Variants in RIF1 observed in about 807,000 individuals in gnomAD.
RIF1 encodes the protein replication timing regulatory factor 1, also known as telomere-associated protein RIF1.
In RIF1, 45 loss-of-function variants were observed where a neutral mutation model predicts 247.1. The observed-to-expected ratio is 0.18, with a 90% CI of 0.14 to 0.23. The LOEUF (loss-of-function observed/expected upper bound fraction) is 0.23, where lower values mean the gene tolerates loss of function less well. Ranked by LOEUF, RIF1 falls within the 10% of genes least tolerant of loss-of-function variation. The pLI is 1.00. For missense variants in RIF1, 2,967 were observed against 2,862.5 expected, an observed-to-expected ratio of 1.04 and a Z score of -0.83; for synonymous variants, 1,087 against 978.8, an observed-to-expected ratio of 1.11 and a Z score of -2.06.
chr2:151,445,863 T>C (rs1460315305), intron 19 of RIF1, among the ~76,000 whole-genome samples: 2 of 144,320 alleles, frequency 1.4e-5, no homozygotes, highest in African/African-American at 2.6e-5. Context: ...AAATAAGACT[T>C]CTTTATGACT....
chr2:151,472,438 T>C (rs1191860896), intron 34 of RIF1, among the ~76,000 whole-genome samples: 1 of 152,248 alleles, frequency 6.6e-6, no homozygotes, highest in Non-Finnish European at 1.5e-5. Flanking sequence ...AGGGCATCCC[T>C]GTCTTGTGCC....
intron 3 of RIF1, 44 bp downstream of exon 3, chr2:151,411,382 G>C (rs1558921821): frequency 7.9e-7 from 1 of 1,266,378 alleles, no homozygotes; most frequent in South Asian, 1.3e-5. Flanking sequence ...TTGGTAGTTT[G>C]GTTTTTTTTT....
intron 13 of RIF1, 43 bp from the exon 14 acceptor site, chr2:151,438,639 CAT>C (rs751609158): frequency 6.6e-6 from 8 of 1,211,018 alleles, no homozygotes; most frequent in Non-Finnish European, 9.8e-6. Context: ...AGTACGTAGT[CAT>C]ATGTACTTCA....
chr2:151,532,980 A>G, the RIF1 span, among the ~76,000 whole-genome samples: 9 of 152,212 alleles, frequency 5.9e-5, no homozygotes, highest in African/African-American at 1.9e-4. Context: ...AAGAGGCGCC[A>G]TGAATATATA....
At chr2:151,423,387 G>T in intron 8 of RIF1, 1 of 187,004 alleles carries the variant, frequency 5.3e-6, no homozygotes, top group Non-Finnish European at 1.1e-5. Flanking sequence ...ACTTTTCTGT[G>T]CTTTTCCTGG....
intron 7 of RIF1, among the ~76,000 whole-genome samples, chr2:151,420,921 A>G (rs891850509): frequency 3.0e-4 from 46 of 152,188 alleles, no homozygotes; most frequent in African/African-American, 9.4e-4. Context: ...TTCATTCCCA[A>G]TAAATAGGAA....
chr2:151,506,918 AT>A, intron 13 of RIF1: 1 of 1,598,234 alleles, frequency 6.3e-7, no homozygotes, highest in Non-Finnish European at 8.6e-7. Flanking sequence ...CCGAGCTGAA[AT>A]TCTTCTGATT....
rs749444070 is a variant in RIF1, at chr2:151,492,523, G to A, written c.*416-2706G>A. ...ATGCAGGAGAGACCGTGAATGAGTG[G>A]TGCTGTCCTAAATCTGAAACCTCAA... On this transcript the variant is annotated intron_variant and NMD_transcript_variant, in intron 9 of 13. Transcript: ENST00000454583. 4.7e-6 allele frequency: 7 copies of A among 1,502,016 alleles called. No individual in the cohort carries two copies. The African/African-American group carries it at 8.3e-5, about 18-fold the overall frequency. The allele number at this position is 1,502,016 out of a possible 1,614,324, so 93.0% of individuals were successfully genotyped here. A position where few individuals can be genotyped will look rare whatever the true frequency, so the allele number is the denominator to read the frequency against.
Position 151,465,650 on chromosome 2 carries a change from A to G in RIF1, c.6130A>G (p.Ile2044Val), listed in dbSNP as rs148595383. The G allele has an allele frequency of 2.5e-5, 41 of 1,614,060 alleles. No individual in the cohort carries two copies. The African/African-American group carries it at 3.2e-4, about 13-fold the overall frequency. Residue 2044 changes from isoleucine to valine, a missense_variant, in exon 30 of 36, where the codon ATA becomes GTA. Ile to Val is a conservative substitution (Grantham distance 29). This residue lies in a region of RIF1 where 2,028 missense variants were observed against 1,825.6 expected (regional missense o/e 1.11). Transcript: ENST00000444746. ...TGATGGTGAAACAGAGAATGAGGGC[A>G]TAACTACCAAAACCTCAAAGCCTGA... ...GHDGETENEG[I>V]TTKTSKPDEA...
In RIF1 at chr2:151,497,765, C is replaced by CATT. The variant is rs749393240; in HGVS notation, c.*514-1579_*514-1577dup. On this transcript the variant is annotated intron_variant and NMD_transcript_variant, in intron 10 of 13. Coordinates refer to the RIF1 transcript ENST00000454583. ...AGAAAAACAACCATGAGTAACATTT[C>CATT]ATTTCTTGGGACTTTTTAAGGATGA... 3.9e-6 allele frequency: 6 copies of CATT among 1,550,162 alleles called. No homozygotes were observed. The South Asian group carries it at 4.8e-5, about 12-fold the overall frequency.
chr2:151,415,927 AC>A (rs1397770932), intron 4 of RIF1, among the ~76,000 whole-genome samples: 2 of 152,106 alleles, frequency 1.3e-5, no homozygotes, highest in East Asian at 3.9e-4. Context: ...AAAAAGGGAA[AC>A]TTTTATTCAG....
intron 6 of RIF1, among the ~76,000 whole-genome samples, chr2:151,417,813 T>A (rs530175646): frequency 6.6e-6 from 1 of 152,294 alleles, no homozygotes; most frequent in South Asian, 2.1e-4. Flanking sequence ...CAAACATTAT[T>A]AAGAGGACTT....
rs1452847917 is a variant in RIF1 at position 151,490,451 on chromosome 2, C to T, written c.*416-4778C>T. The stretch of plus-strand genomic sequence containing the variant: ...GTGCTTCTGAATGCTCAGACTTCTC[C>T]TCACCCCCACTGATGCTTAGTGCAC... On this transcript the variant is annotated intron_variant and NMD_transcript_variant, in intron 9 of 13. Transcript: ENST00000454583. The T allele has an allele frequency of 1.9e-6, 3 of 1,606,680 alleles. No homozygotes were observed. Among genetic ancestry groups the T allele is most frequent in the Non-Finnish European group, 1.7e-6 (2 of 1,176,658 alleles).
the RIF1 span, chr2:151,514,743 G>A: frequency 9.4e-7 from 1 of 1,066,534 alleles, no homozygotes; most frequent in Non-Finnish European, 1.4e-6. Flanking sequence ...TAAATGGTAG[G>A]AGGAACACAT....
At chr2:151,527,372 C>G in the RIF1 span, 2 of 953,004 alleles carry the variant, frequency 2.1e-6, no homozygotes, top group African/African-American at 3.3e-5. Flanking sequence ...TCTCGGATCT[C>G]AAACGAGCAA....
At chr2:151,532,254 G>A in the RIF1 span, 1 of 178,000 alleles carries the variant, frequency 5.6e-6, no homozygotes, top group African/African-American at 2.4e-5. Flanking sequence ...CATGTACTCG[G>A]AGGCCCCCAG....
chr2:151,410,344 TCACA>T, intron 1 of RIF1, 66 bp from the exon 2 acceptor site: 1 of 1,286,858 alleles, frequency 7.8e-7, no homozygotes. Flanking sequence ...AGGGCCGGAC[TCACA>T]CTGGGCCGCC....
At chr2:151,518,431 A>G in the RIF1 span, 1 of 1,554,098 alleles carries the variant, frequency 6.4e-7, no homozygotes, top group Non-Finnish European at 8.9e-7. Flanking sequence ...TACTGAGGGG[A>G]AGGCGGCAAA....
chr2:151,458,398 A>C (rs1334411784), intron 24 of RIF1, among the ~76,000 whole-genome samples: 1 of 151,690 alleles, frequency 6.6e-6, no homozygotes, highest in African/African-American at 2.4e-5. Context: ...ATGCCTGGCT[A>C]ATTTTTTGTA....
Sources: allele counts gnomAD v4.1 joint callset (sites outside exome capture counted in the v4.1 genomes callset), GRCh38; gene constraint gnomAD v4.1.1; regional missense constraint gnomAD v4.1.1; transcripts MANE v1.5; gene names NCBI Gene and HGNC (gene_info 2026-07-23, HGNC 2026-07-21).